The following LMO7 variants were observed in gnomAD, a reference collection of about 807,000 sequenced individuals.
The protein encoded by LMO7 is LIM domain only protein 7.
Under a neutral mutation model 206.5 loss-of-function variants are expected in LMO7, and 120 were observed. The ratio of observed to expected loss-of-function variants is 0.58; its 90% CI spans 0.50 to 0.68. The LOEUF (loss-of-function observed/expected upper bound fraction) is 0.68, where lower values mean the gene tolerates loss of function less well. Ranked by LOEUF, LMO7 falls within the 30% of genes least tolerant of loss-of-function variation. LMO7 has a pLI of 0.00. For missense variants in LMO7, 1,959 were observed against 1,957.9 expected, an observed-to-expected ratio of 1.00 and a Z score of -0.01; for synonymous variants, 706 against 681.5, an observed-to-expected ratio of 1.04 and a Z score of -0.56.
chr13:75,703,739 T>TGTGTGTGTGTGCAC (rs57290262), intron 1 of LMO7, among the ~76,000 whole-genome samples: 1 of 151,674 alleles, frequency 6.6e-6, no homozygotes, highest in Non-Finnish European at 1.5e-5. Flanking sequence ...TGTGTGTGTG[T>TGTGTGTGTGTGCAC]GCACTGTGAG....
rs552236505 is a variant in LMO7, at chr13:75,670,966, C to CTTTTTTTTTTTTTTTTTTTTTTTTTTTTT, written c.69+34257_69+34258insTTTTTTTTTTTTTTTTTTTTTTTTTTTTT. 1.7e-4 allele frequency among the ~76,000 whole-genome samples: 17 copies of CTTTTTTTTTTTTTTTTTTTTTTTTTTTTT among 100,082 alleles called. 2 individuals are homozygous for CTTTTTTTTTTTTTTTTTTTTTTTTTTTTT. Among genetic ancestry groups the CTTTTTTTTTTTTTTTTTTTTTTTTTTTTT allele is most frequent in the South Asian group, 3.3e-4 (1 of 3,028 alleles). 65.7% of individuals were successfully genotyped at this position (100,082 alleles called of 152,430 possible). ...TACCTTTTTTTTTTAATGTTTAAAA[C>CTTTTTTTTTTTTTTTTTTTTTTTTTTTTT]TTTTTTTTTTTTTTTTTACTATTTA... On this transcript the variant is annotated intron_variant, in intron 1 of 30. Coordinates refer to ENST00000377534, the MANE Select transcript of LMO7 (RefSeq NM_001306080.2).
chr13:75,691,839 G>A (rs969409153), intron 1 of LMO7, among the ~76,000 whole-genome samples: 14 of 151,860 alleles, frequency 9.2e-5, no homozygotes, highest in Admixed American at 6.6e-4. Context: ...TGAAGACTGC[G>A]CCCAGCTGCC....
At chr13:75,805,403 A>G in intron 8 of LMO7, 76 bp from the exon 9 acceptor site, 1 of 1,471,364 alleles carries the variant, frequency 6.8e-7, no homozygotes, top group Non-Finnish European at 9.3e-7. Context: ...AACTTTGTGA[A>G]CCAGAAAGCA....
chr13:75,823,951 C>A (rs1352463024), intron 15 of LMO7, 78 bp downstream of exon 15: 8 of 1,218,756 alleles, frequency 6.6e-6, no homozygotes, highest in Middle Eastern at 2.6e-4. Context: ...TCTCAAATGT[C>A]AAACCTCTAG....
chr13:75,699,468 A>T (rs2147007), intron 1 of LMO7, among the ~76,000 whole-genome samples: 1 of 150,990 alleles, frequency 6.6e-6, no homozygotes, highest in Non-Finnish European at 1.5e-5. Context: ...AATGTAGGTT[A>T]TTTTCTATTT....
chr13:75,731,531 G>A (rs1436897843), intron 3 of LMO7, among the ~76,000 whole-genome samples: 2 of 152,118 alleles, frequency 1.3e-5, no homozygotes, highest in Non-Finnish European at 2.9e-5. Context: ...GTCTCTGCAT[G>A]TGAGATGGGT....
In LMO7 at chr13:75,856,500, C is replaced by A; in HGVS notation, c.4771-6C>A. On this transcript the variant is annotated splice_polypyrimidine_tract_variant and splice_region_variant and intron_variant, in intron 29 of 30. Transcript: ENST00000377534. ...TTGTAGATGTTCTTTTTTTTTTGTT[C>A]CCCAGTGTGTTGCCTGTGAGTGTGA... 5.8e-6 allele frequency: 9 copies of A among 1,544,290 alleles called. No homozygotes were observed. The highest frequency in any genetic ancestry group is 6.2e-6 in the Non-Finnish European group (7 of 1,130,892).
intron 13 of LMO7, among the ~76,000 whole-genome samples, chr13:75,820,072 T>C (rs1219640408): frequency 3.3e-5 from 5 of 152,228 alleles, no homozygotes; most frequent in Admixed American, 3.3e-4. Context: ...CATTCATTAC[T>C]GTGTGAAACA....
At position 75,795,440 on chromosome 13, in the gene LMO7, C is replaced by T. The variant is rs1365657803; in HGVS notation, c.348+9C>T. ...ACAGGAGAGTGAAAAATGTAAGATA[C>T]ATTTACCTTAATGGAGCATTATAAG... On this transcript the variant is annotated intron_variant, in intron 5 of 30. Coordinates refer to ENST00000377534, the MANE Select transcript of LMO7 (RefSeq NM_001306080.2). The T allele has an allele frequency of 1.9e-6, 3 of 1,578,376 alleles. No homozygotes were observed. Among genetic ancestry groups the T allele is most frequent in the African/African-American group, 2.7e-5 (2 of 73,774 alleles).
At chr13:75,770,753 C>T (rs1399352580) in intron 4 of LMO7, among the ~76,000 whole-genome samples, 3 of 152,044 alleles carry the variant, frequency 2.0e-5, no homozygotes, top group African/African-American at 4.8e-5. Flanking sequence ...TAAGAGCTTT[C>T]GAACACTGTC....
At chr13:75,732,006 A>T (rs2045290453) in intron 3 of LMO7, among the ~76,000 whole-genome samples, 1 of 152,154 alleles carries the variant, frequency 6.6e-6, no homozygotes, top group Non-Finnish European at 1.5e-5. Context: ...TGTTAGTCTG[A>T]TGGGTTTCCC....
intron 4 of LMO7, among the ~76,000 whole-genome samples, chr13:75,792,577 G>GGGA (rs2053456982): frequency 6.6e-6 from 1 of 152,182 alleles, no homozygotes; most frequent in South Asian, 2.1e-4. Flanking sequence ...TGTGTTACCT[G>GGGA]TGTTACTGTG....
chr13:75,646,658 A>G (rs941596128), intron 1 of LMO7, among the ~76,000 whole-genome samples: 11 of 151,056 alleles, frequency 7.3e-5, no homozygotes, highest in African/African-American at 2.7e-4. Flanking sequence ...ATCTCGGCTC[A>G]TGGCAACCTC....
At chr13:75,738,940 T>C (rs954300239) in intron 3 of LMO7, among the ~76,000 whole-genome samples, 8 of 152,248 alleles carry the variant, frequency 5.3e-5, no homozygotes, top group African/African-American at 1.9e-4. Flanking sequence ...CTTGGCACTG[T>C]TGACACTTTG....
intron 15 of LMO7, among the ~76,000 whole-genome samples, chr13:75,828,141 C>T (rs560073317): frequency 2.6e-4 from 40 of 152,224 alleles, no homozygotes; most frequent in Non-Finnish European, 4.7e-4. Context: ...ACTGCTTAGC[C>T]GGCACTTGTA....
At chr13:75,827,204 A>G (rs2058200375) in intron 15 of LMO7, among the ~76,000 whole-genome samples, 1 of 152,218 alleles carries the variant, frequency 6.6e-6, no homozygotes, top group South Asian at 2.1e-4. Context: ...GGCCTTAATT[A>G]CTAGGCTGAA....
intron 3 of LMO7, among the ~76,000 whole-genome samples, chr13:75,748,808 TTTCTTTC>T (rs968479649): frequency 3.7e-5 from 5 of 134,498 alleles, no homozygotes; most frequent in Admixed American, 7.5e-5. Context: ...TCTTTCTTTC[TTTCTTTC>T]TTTTTTTTTT....
intron 3 of LMO7, among the ~76,000 whole-genome samples, chr13:75,744,734 T>A (rs958154829): frequency 2.6e-5 from 4 of 152,246 alleles, no homozygotes; most frequent in Non-Finnish European, 5.9e-5. Context: ...TGTCGGGCAC[T>A]GTTTCAGGAA....
rs768056682 is a variant in LMO7 at position 75,713,175 on chromosome 13, C to G, written c.70-7C>G. On this transcript the variant is annotated splice_polypyrimidine_tract_variant and splice_region_variant and intron_variant, in intron 1 of 30. Transcript: ENST00000377534. ...AGAGAAAATTAACAACCAAACCTAT[C>G]TTTCAGGCAGTAACAGAGAAGAATT... 1.2e-6 allele frequency: 2 copies of G among 1,610,340 alleles called. No individual in the cohort carries two copies. Among genetic ancestry groups the G allele is most frequent in the East Asian group, 2.2e-5 (1 of 44,802 alleles).
Sources: allele counts gnomAD v4.1 joint callset (sites outside exome capture counted in the v4.1 genomes callset), GRCh38; gene constraint gnomAD v4.1.1; transcripts MANE v1.5; gene names NCBI Gene and HGNC (gene_info 2026-07-23, HGNC 2026-07-21).